The following DMC1 variants were observed in gnomAD, a reference collection of about 807,000 sequenced individuals.
The protein encoded by DMC1 is DNA meiotic recombinase 1, also known as meiotic recombination protein DMC1 homolog.
Under a neutral mutation model 50.1 loss-of-function variants are expected in DMC1, and 27 were observed. The observed-to-expected ratio is 0.54, with a 90% CI of 0.40 to 0.74. The LOEUF (loss-of-function observed/expected upper bound fraction) is 0.74. Ranked by LOEUF, DMC1 falls within the 30% of genes least tolerant of loss-of-function variation. The pLI is 0.00. For missense variants in DMC1, 295 were observed against 420.2 expected (o/e 0.70, Z 2.60); for synonymous variants, 148 against 136.1 (o/e 1.09, Z -0.61).
chr22:38,529,091 A>C (rs1254592504), intron 12 of DMC1, among the ~76,000 whole-genome samples: 2 of 151,586 alleles, frequency 1.3e-5, no homozygotes, highest in Non-Finnish European at 2.9e-5. Flanking sequence ...GCTCACCACA[A>C]CCTCCGCCTC....
intron 7 of DMC1, among the ~76,000 whole-genome samples, chr22:38,551,885 G>C (rs1050776779): frequency 3.5e-4 from 40 of 113,236 alleles, no homozygotes; most frequent in African/African-American, 1.4e-3. Context: ...TTTTTGAGAC[G>C]AGTCTTGCTC....
At chr22:38,548,542 C>T (rs11570414) in intron 8 of DMC1, among the ~76,000 whole-genome samples, 263 of 152,134 alleles carry the variant, frequency 1.7e-3, no homozygotes, top group Non-Finnish European at 3.1e-3. Flanking sequence ...CCACTGCACT[C>T]CAGCCTGGGC....
chr22:38,551,195 C>G (rs1443142200), intron 7 of DMC1, among the ~76,000 whole-genome samples: 1 of 151,668 alleles, frequency 6.6e-6, no homozygotes, highest in Non-Finnish European at 1.5e-5. Flanking sequence ...TTGCAGTGAG[C>G]TGAGATCGCG....
intron 12 of DMC1, among the ~76,000 whole-genome samples, chr22:38,524,385 C>T (rs754309109): frequency 2.6e-5 from 4 of 151,890 alleles, no homozygotes; most frequent in Admixed American, 6.6e-5. Flanking sequence ...GGTGGCCCTC[C>T]AGCCCAGGCG....
chr22:38,564,980 A>G (rs1367378646), intron 4 of DMC1, among the ~76,000 whole-genome samples: 4 of 152,214 alleles, frequency 2.6e-5, no homozygotes, highest in African/African-American at 9.6e-5. Flanking sequence ...CCTCTGAAGA[A>G]GGAAACCAAA....
chr22:38,542,945 C>A (rs1489040270), intron 8 of DMC1, among the ~76,000 whole-genome samples: 1 of 152,164 alleles, frequency 6.6e-6, no homozygotes, highest in Non-Finnish European at 1.5e-5. Context: ...CAATAACATA[C>A]ATTGGAGAAA....
downstream of DMC1, among the ~76,000 whole-genome samples, chr22:38,514,022 G>A (rs1275372290): frequency 1.3e-5 from 2 of 152,168 alleles, no homozygotes; most frequent in Non-Finnish European, 2.9e-5. Flanking sequence ...GGAGATGGAG[G>A]CAGCAAGATC....
At position 38,519,574 on chromosome 22, in the gene DMC1, C is replaced by A; in HGVS notation, c.*446G>T. On this transcript the variant is annotated 3_prime_UTR_variant, in exon 14 of 14. Coordinates refer to ENST00000216024, the MANE Select transcript of DMC1 (RefSeq NM_007068.4). ...AGCTATGTAAGTCAGTGGCACTATACCCTAGAAAAATGGTGAAGGGAAAGT... is the reference window on the plus strand; with the variant it reads ...AGCTATGTAAGTCAGTGGCACTATAACCTAGAAAAATGGTGAAGGGAAAGT... 1 of 198,840 alleles carries A rather than the reference C, an allele frequency of 5.0e-6. No homozygotes were observed. Among genetic ancestry groups the A allele is most frequent in the South Asian group, 8.8e-5 (1 of 11,356 alleles). 12.3% of individuals were successfully genotyped at this position (198,840 alleles called of 1,614,324 possible).
At chr22:38,539,446 C>T (rs748495535) in intron 8 of DMC1, 34 bp from the exon 9 acceptor site, 5 of 1,576,986 alleles carry the variant, frequency 3.2e-6, no homozygotes, top group Non-Finnish European at 4.4e-6. Context: ...TCCAATAAGT[C>T]AATTCTAAAA....
intron 12 of DMC1, among the ~76,000 whole-genome samples, chr22:38,523,254 G>A (rs993181507): frequency 2.0e-5 from 3 of 152,174 alleles, no homozygotes; most frequent in Non-Finnish European, 4.4e-5. Context: ...ACCTGACATG[G>A]TAGTAAAGCA....
At chr22:38,520,746 A>C (rs1415013911) in intron 13 of DMC1, among the ~76,000 whole-genome samples, 1 of 152,196 alleles carries the variant, frequency 6.6e-6, no homozygotes, top group South Asian at 2.1e-4. Context: ...CACCTTTCTT[A>C]TGACTAGACT....
intron 6 of DMC1, 91 bp downstream of exon 6, chr22:38,555,266 G>T (rs1486167444): frequency 4.9e-6 from 4 of 821,362 alleles, no homozygotes; most frequent in Non-Finnish European, 8.1e-6. Context: ...ATTATTGGTT[G>T]TTTATTTAAT....
intron 9 of DMC1, among the ~76,000 whole-genome samples, chr22:38,539,110 A>G (rs143501258): frequency 2.1e-4 from 32 of 152,312 alleles, no homozygotes; most frequent in African/African-American, 7.2e-4. Context: ...AAAGAATGTT[A>G]CTCTTAATTT....
intron 6 of DMC1, 119 bp from the exon 7 acceptor site, chr22:38,552,826 T>C: frequency 1.4e-6 from 1 of 726,026 alleles, no homozygotes; most frequent in South Asian, 1.6e-5. Flanking sequence ...TGGCAAATCT[T>C]ACTTATAAAG....
At chr22:38,537,955 C>T (rs1317400897) in intron 11 of DMC1, among the ~76,000 whole-genome samples, 1 of 152,016 alleles carries the variant, frequency 6.6e-6, no homozygotes, top group African/African-American at 2.4e-5. Context: ...CCAGCCTGGC[C>T]AACATGGTGA....
intron 1 of DMC1, among the ~76,000 whole-genome samples, chr22:38,569,600 GATGAA>G (rs2090617684): frequency 6.6e-6 from 1 of 152,192 alleles, no homozygotes; most frequent in African/African-American, 2.4e-5. Context: ...TTCTCCCCGT[GATGAA>G]ATGAAAAGAT....
rs537516676 is a variant in DMC1, at chr22:38,527,163, T to C, written c.837-5439A>G. Among the ~76,000 whole-genome samples the C allele has an allele frequency of 1.2e-4, 18 of 152,276 alleles. No individual in the cohort carries two copies. The South Asian group carries it at 2.7e-3, about 23-fold the overall frequency. On this transcript the variant is annotated intron_variant, in intron 12 of 13. Coordinates refer to ENST00000216024, the MANE Select transcript of DMC1 (RefSeq NM_007068.4). ...AATTCTGTCTGGCTTTTTAGCCATA[T>C]GACTTGAAGAAAATTGTTTAACCAT...
intron 7 of DMC1, 54 bp from the exon 8 acceptor site, chr22:38,550,051 T>G (rs574748810): frequency 7.7e-7 from 1 of 1,301,300 alleles, no homozygotes; most frequent in East Asian, 2.4e-5. Flanking sequence ...TTTGTACACA[T>G]GACTATATAA....
Position 38,521,703 on chromosome 22 carries a change from T to C in DMC1, c.858A>G (p.Lys286=), listed in dbSNP as rs143710108. The C allele has an allele frequency of 8.1e-6, 13 of 1,613,054 alleles. No homozygotes were observed. The African/African-American group carries it at 1.7e-4, about 22-fold the overall frequency. The change falls in exon 13 of 14, where the codon AAA becomes AAG. Residue 286 remains lysine, a synonymous_variant. Coordinates refer to ENST00000216024, the MANE Select transcript of DMC1 (RefSeq NM_007068.4). The part of the protein sequence containing the change: ...ATMTFQADPK[K]PIGGHILAHA... ...GAGCCAGAATGTGTCCCCCAATGGG[T>C]TTTTTGGGATCTGCCTGAAAGCTGA...
Sources: allele counts gnomAD v4.1 joint callset (sites outside exome capture counted in the v4.1 genomes callset), GRCh38; gene constraint gnomAD v4.1.1; transcripts MANE v1.5; gene names NCBI Gene and HGNC (gene_info 2026-07-23, HGNC 2026-07-21).